The following SORCS3 variants were observed in gnomAD, a reference collection of about 807,000 sequenced individuals.
The protein encoded by SORCS3 is VPS10 domain-containing receptor SorCS3.
Under a neutral mutation model 146.3 loss-of-function variants are expected in SORCS3, and 57 were observed. The observed-to-expected ratio is 0.39, with a 90% CI of 0.31 to 0.49. The LOEUF is 0.49. Ranked by LOEUF, SORCS3 falls within the 20% of genes least tolerant of loss-of-function variation. SORCS3 has a pLI of 0.92. For missense variants in SORCS3, 1,341 were observed against 1,575.5 expected (o/e 0.85, Z 2.52); for synonymous variants, 653 against 618.5 (o/e 1.06, Z -0.83).
In SORCS3 at chr10:104,756,268, C is replaced by A. The variant is rs528246248; in HGVS notation, c.628-86524C>A. Among the ~76,000 whole-genome samples the A allele has an allele frequency of 2.0e-5, 3 of 152,170 alleles. No homozygotes were observed. The South Asian group carries it at 6.2e-4, about 32-fold the overall frequency. On this transcript the variant is annotated intron_variant, in intron 1 of 26. Transcript: ENST00000369701. ...ACACCTATGTTAAATACTATGGGGG[C>A]ATATAAAAAGTGCATATAGGATCAC...
chr10:105,141,095 G>C (rs1358862475), intron 8 of SORCS3, among the ~76,000 whole-genome samples: 1 of 152,108 alleles, frequency 6.6e-6, no homozygotes, highest in Non-Finnish European at 1.5e-5. Flanking sequence ...CTGTATTTGT[G>C]CATCTTTTAT....
intron 1 of SORCS3, among the ~76,000 whole-genome samples, chr10:104,752,475 G>T (rs1349096972): frequency 1.3e-5 from 2 of 152,184 alleles, no homozygotes; most frequent in East Asian, 3.9e-4. Flanking sequence ...GGTAAGCCTT[G>T]CTTGTAAAAG....
At chr10:105,153,666 T>TG (rs947301464) in intron 9 of SORCS3, among the ~76,000 whole-genome samples, 1 of 151,916 alleles carries the variant, frequency 6.6e-6, no homozygotes, top group African/African-American at 2.4e-5. Flanking sequence ...TGTGTGTGTG[T>TG]GTGTGTGTTT....
At chr10:105,087,068 T>G (rs550001819) in intron 5 of SORCS3, among the ~76,000 whole-genome samples, 2 of 152,308 alleles carry the variant, frequency 1.3e-5, no homozygotes, top group African/African-American at 4.8e-5. Flanking sequence ...TTAGGTTTTA[T>G]GTTTAAGTCT....
At chr10:105,254,714 G>T (rs1000831491) in intron 23 of SORCS3, among the ~76,000 whole-genome samples, 1 of 151,900 alleles carries the variant, frequency 6.6e-6, no homozygotes, top group African/African-American at 2.4e-5. Context: ...CAGGAGAATC[G>T]CTTGAACCCA....
intron 1 of SORCS3, among the ~76,000 whole-genome samples, chr10:104,761,117 C>G (rs1474616484): frequency 6.6e-6 from 1 of 152,250 alleles, no homozygotes; most frequent in East Asian, 1.9e-4. Context: ...GCCCTTTGAT[C>G]TTCAAAAGCC....
At chr10:104,681,235 TCC>T (rs1481149926) in intron 1 of SORCS3, among the ~76,000 whole-genome samples, 10 of 152,202 alleles carry the variant, frequency 6.6e-5, no homozygotes, top group African/African-American at 2.4e-4. Context: ...GGTTGCTTTT[TCC>T]AGCCTGAGAG....
chr10:105,013,801 C>T (rs2055148467), intron 4 of SORCS3, among the ~76,000 whole-genome samples: 1 of 151,998 alleles, frequency 6.6e-6, no homozygotes, highest in Non-Finnish European at 1.5e-5. Context: ...GCAACAGGTG[C>T]TTATAGGAAC....
chr10:104,959,592 C>T (rs966377176), intron 3 of SORCS3, among the ~76,000 whole-genome samples: 1 of 152,090 alleles, frequency 6.6e-6, no homozygotes, highest in Non-Finnish European at 1.5e-5. Context: ...TTTATAGGAG[C>T]CCCAGTGGAC....
intron 14 of SORCS3, among the ~76,000 whole-genome samples, chr10:105,197,096 G>C (rs1399661006): frequency 6.6e-6 from 1 of 152,094 alleles, no homozygotes; most frequent in Non-Finnish European, 1.5e-5. Context: ...CTTGTCATTG[G>C]ATTTAGAGCC....
At chr10:104,976,693 A>AATGT (rs1320749796) in intron 3 of SORCS3, among the ~76,000 whole-genome samples, 2 of 152,240 alleles carry the variant, frequency 1.3e-5, no homozygotes, top group Non-Finnish European at 2.9e-5. Flanking sequence ...TGGATTAAGA[A>AATGT]ATGTGGCACA....
chr10:104,870,832 G>A (rs185062587), intron 2 of SORCS3, among the ~76,000 whole-genome samples: 6 of 152,214 alleles, frequency 3.9e-5, no homozygotes, highest in East Asian at 1.9e-4. Flanking sequence ...TGTCCCTCTC[G>A]GAAGGAATTT....
chr10:105,123,900 G>T (rs1589644881), intron 7 of SORCS3, among the ~76,000 whole-genome samples: 1 of 152,250 alleles, frequency 6.6e-6, no homozygotes, highest in Middle Eastern at 3.4e-3. Context: ...TTGCAATTTA[G>T]ATGGATTTTC....
intron 3 of SORCS3, among the ~76,000 whole-genome samples, chr10:104,949,867 C>A (rs11192245): frequency 0.089 from 13,588 of 152,218 alleles, 742 homozygotes; most frequent in South Asian, 0.25. Flanking sequence ...TGGCAGATGA[C>A]TGAGAGAAGG....
Position 105,211,224 on chromosome 10 carries a change from T to C in SORCS3, c.2349T>C (p.Leu783=). Residue 783 remains leucine (L), a synonymous_variant, in exon 17 of 27, where the codon CTT becomes CTC. Transcript: ENST00000369701. ...CATCCCCATCAAAGGACTGCAGCCTTGGTCAAAGCTACCTTAACAGCACTG... is the reference window on the plus strand; with the variant it reads ...CATCCCCATCAAAGGACTGCAGCCTCGGTCAAAGCTACCTTAACAGCACTG... ...NPASPSKDCS[L]GQSYLNSTGY... 1 of 1,614,024 alleles carries C rather than the reference T, an allele frequency of 6.2e-7. No homozygotes were observed. The highest frequency in any genetic ancestry group is 8.5e-7 in the Non-Finnish European group (1 of 1,179,912).
chr10:105,139,515 G>T, intron 8 of SORCS3, 29 bp downstream of exon 8: 2 of 1,569,762 alleles, frequency 1.3e-6, no homozygotes. Flanking sequence ...GCGGTCCTGG[G>T]TCCCTCTAGG....
At chr10:105,252,229 A>C (rs2056903714) in intron 22 of SORCS3, among the ~76,000 whole-genome samples, 1 of 152,256 alleles carries the variant, frequency 6.6e-6, no homozygotes, top group Non-Finnish European at 1.5e-5. Context: ...TTCAGAAAAC[A>C]AATTGGCAAT....
intron 2 of SORCS3, among the ~76,000 whole-genome samples, chr10:104,871,566 C>A (rs1293733813): frequency 1.3e-5 from 2 of 152,264 alleles, no homozygotes; most frequent in Non-Finnish European, 2.9e-5. Flanking sequence ...AATTATGCAG[C>A]CTTCTGCAAT....
intron 6 of SORCS3, among the ~76,000 whole-genome samples, chr10:105,102,142 G>A (rs2055789399): frequency 6.6e-6 from 1 of 152,082 alleles, no homozygotes; most frequent in South Asian, 2.1e-4. Context: ...AGGGAATGAG[G>A]GTAAGAAAGC....
Sources: gnomAD v4.1 joint callset for allele counts (sites outside exome capture counted in the v4.1 genomes callset) on GRCh38, gnomAD v4.1.1 for gene constraint, MANE v1.5 for transcripts, NCBI Gene and HGNC (gene_info 2026-07-23, HGNC 2026-07-21) for gene names.